The following JMJD4 variants were observed in gnomAD, a reference collection of about 807,000 sequenced individuals.
JMJD4 encodes jumonji domain containing 4.
In JMJD4, 34 loss-of-function variants were observed where a neutral mutation model predicts 36.3. That is an observed-to-expected ratio of 0.94 (90% CI 0.71 to 1.25). The LOEUF is 1.25. Ranked by LOEUF, JMJD4 falls within the 50% of genes most tolerant of loss-of-function variation. The pLI, the probability that JMJD4 is intolerant of heterozygous loss-of-function variation, is 0.00. For synonymous variants in JMJD4, 269 were observed against 235.3 expected, an observed-to-expected ratio of 1.14 and a Z score of -1.31; for missense variants, 584 against 559.1, an observed-to-expected ratio of 1.04 and a Z score of -0.45.
rs1660884764 is a variant in JMJD4 at position 227,734,122 on chromosome 1, TCC to T, written c.429-92_429-91del. On this transcript the variant is annotated intron_variant, in intron 2 of 5. Coordinates refer to ENST00000620518, the MANE Select transcript of JMJD4 (RefSeq NM_023007.3). ...AGTGGGGCAACTGAGACCAATCGGC[TCC>T]AGTGGAGCTTCCAGATGGCTGCAGC... 2.6e-5 allele frequency: 38 copies of T among 1,437,860 alleles called. No homozygotes were observed. In the Admixed American group the frequency reaches 8.0e-4, roughly 30 times the overall value. The allele number at this position is 1,437,860 out of a possible 1,614,324, so 89.1% of individuals were successfully genotyped here. A position where few individuals can be genotyped will look rare whatever the true frequency, so the allele number is the denominator to read the frequency against.
rs774764631 is a variant in JMJD4, at chr1:227,732,487, C to T, written c.1159G>A (p.Asp387Asn). Residue 387 changes from aspartate (D) to asparagine (N), a missense_variant, in exon 6 of 6, where the codon GAC becomes AAC. Asp to Asn is a conservative substitution (Grantham distance 23). Coordinates refer to ENST00000620518, the MANE Select transcript of JMJD4 (RefSeq NM_023007.3). ...EVLASLVAHP[D>N]FQRVDTSAFS... ...GCGCTGGTGTCCACTCTCTGGAAGT[C>T]GGGGTGCGCAACCAAGGAGGCCAGC... 1.2e-5 allele frequency: 20 copies of T among 1,613,236 alleles called. No individual in the cohort carries two copies. The Admixed American group carries it at 2.5e-4, about 20-fold the overall frequency.
At chr1:227,733,771 G>A (rs1426056429) in intron 3 of JMJD4, 90 bp from the exon 4 acceptor site, 2 of 1,587,430 alleles carry the variant, frequency 1.3e-6, no homozygotes, top group Admixed American at 1.7e-5. Flanking sequence ...CTGAAGGAGG[G>A]GTGGCCCCTT....
chr1:227,734,917 C>G, intron 1 of JMJD4, 95 bp downstream of exon 1: 1 of 1,542,256 alleles, frequency 6.5e-7, no homozygotes, highest in Non-Finnish European at 8.8e-7. Flanking sequence ...TGGCCTCCCT[C>G]ACCCTCCCTG....
rs776218972 is a variant in JMJD4, at chr1:227,734,801, G to A, written c.278C>T (p.Pro93Leu). 1 of 1,613,924 alleles carries A rather than the reference G, an allele frequency of 6.2e-7. No individual in the cohort carries two copies. Among genetic ancestry groups the A allele is most frequent in the Non-Finnish European group, 8.5e-7 (1 of 1,180,004 alleles). ...LLRTYGDVVV[P>L]VANCGVQEYN... ...TTCCTGGACCCCACAGTTTGCAACTGGTACAACCACGTCTCCTGAAATGAA... is the reference window on the plus strand; with the variant it reads ...TTCCTGGACCCCACAGTTTGCAACTAGTACAACCACGTCTCCTGAAATGAA... The change falls in exon 2 of 6, where the codon CCA (proline) becomes CTA (leucine). Residue 93 changes from proline (P) to leucine (L), a missense_variant. Pro to Leu is a moderately conservative substitution (Grantham distance 98). Coordinates refer to ENST00000620518, the MANE Select transcript of JMJD4 (RefSeq NM_023007.3).
intron 3 of JMJD4, 83 bp downstream of exon 3, chr1:227,733,824 G>GC (rs1314297110): frequency 1.9e-6 from 3 of 1,592,690 alleles, no homozygotes; most frequent in Middle Eastern, 1.7e-4. Context: ...GTGCCAAGCA[G>GC]CCCCCCTCCT....
At position 227,735,247 on chromosome 1, in the gene JMJD4, G is replaced by A. The variant is rs556796845; in HGVS notation, c.27C>T (p.Ala9=). The part of the protein sequence containing the change: MDRETRAL[A]DSHFRGLGVD... ...CCCCCAGGCCTCGGAAGTGGCTGTC[G>A]GCGAGGGCGCGCGTCTCGCGGTCCA... is the stretch of plus-strand genomic sequence containing the variant. The change falls in exon 1 of 6, where the codon GCC becomes GCT. Residue 9 remains alanine, a synonymous_variant. Transcript: ENST00000620518. The A allele has an allele frequency of 9.4e-6, 15 of 1,601,644 alleles. No homozygotes were observed. The African/African-American group carries it at 1.3e-4, about 14-fold the overall frequency.
At position 227,733,497 on chromosome 1, in the gene JMJD4, C is replaced by CA; in HGVS notation, c.738dup (p.Ala247CysfsTer30). 10 of 1,594,288 alleles carry CA rather than the reference C, an allele frequency of 6.3e-6. No homozygotes were observed. Among genetic ancestry groups the CA allele is most frequent in the Non-Finnish European group, 8.5e-6 (10 of 1,170,200 alleles). ...TGCGTGATCTCCAAGGGTGGGCCAG[C>CA]AAGCTGGTTCCGTGGGTGCAGGTGT... is the stretch of plus-strand genomic sequence containing the variant. On this transcript the variant is annotated frameshift_variant, in exon 4 of 6. Coordinates refer to ENST00000620518, the MANE Select transcript of JMJD4 (RefSeq NM_023007.3). LOFTEE classifies it high-confidence loss of function.
chr1:227,734,352 TAAAAA>T (rs56684758), intron 2 of JMJD4: 54 of 77,574 alleles, frequency 7.0e-4, no homozygotes, highest in East Asian at 3.5e-3. Context: ...CTAGTCTCTT[TAAAAA>T]AAAAAAAAAA....
intron 5 of JMJD4, 64 bp from the exon 6 acceptor site, chr1:227,732,740 G>A (rs556362949): frequency 2.6e-5 from 41 of 1,596,442 alleles, no homozygotes; most frequent in East Asian, 9.0e-5. Flanking sequence ...CAAAGGACCC[G>A]ACATGCGCCC....
In JMJD4 at chr1:227,732,443, T is replaced by G; in HGVS notation, c.1203A>C (p.Lys401Asn). The change falls in exon 6 of 6, where the codon AAA becomes AAC. Residue 401 changes from lysine to asparagine, a missense_variant. Coordinates refer to ENST00000620518, the MANE Select transcript of JMJD4 (RefSeq NM_023007.3). ...VDTSAFSPQP[K>N]ELLQQLREAV... ...CCTCTCTCAGCTGCTGCAGCAGCTC[T>G]TTGGGCTGTGGTGAGAACGCGCTGG... The G allele has an allele frequency of 6.2e-7, 1 of 1,613,234 alleles. No homozygotes were observed. Among genetic ancestry groups the G allele is most frequent in the Non-Finnish European group, 8.5e-7 (1 of 1,180,020 alleles).
At position 227,734,767 on chromosome 1, in the gene JMJD4, C is replaced by A; in HGVS notation, c.312G>T (p.Ser104=). ...VANCGVQEYN[S]NPKEHMTLRD... The stretch of plus-strand genomic sequence containing the variant: ...TGAGAGTCATGTGCTCTTTGGGGTT[C>A]GAGTTGTATTCCTGGACCCCACAGT... Residue 104 remains serine, a synonymous_variant, in exon 2 of 6, where the codon TCG becomes TCT. Transcript: ENST00000620518. 6.2e-7 allele frequency: 1 copy of A among 1,614,140 alleles called. No homozygotes were observed. Among genetic ancestry groups the A allele is most frequent in the Non-Finnish European group, 8.5e-7 (1 of 1,180,028 alleles).
chr1:227,734,892 CA>C (rs766338364), intron 1 of JMJD4, 76 bp from the exon 2 acceptor site: 5 of 1,581,002 alleles, frequency 3.2e-6, no homozygotes, highest in Non-Finnish European at 3.5e-6. Context: ...AGGAACTCTC[CA>C]GGGGCCACGC....
In JMJD4 at chr1:227,735,203, C is replaced by G; in HGVS notation, c.71G>C (p.Gly24Ala). The change falls in exon 1 of 6, where the codon GGC becomes GCC. Residue 24 changes from glycine to alanine, a missense_variant. Gly to Ala is a moderately conservative substitution (Grantham distance 60). Coordinates refer to ENST00000620518, the MANE Select transcript of JMJD4 (RefSeq NM_023007.3). ...RGLGVDVPGV[G>A]QAPGRVAFVS... ...GAAGGCTACCCGGCCCGGAGCCTGG[C>G]CGACGCCGGGGACATCGACCCCCAG... 1 of 1,582,980 alleles carries G rather than the reference C, an allele frequency of 6.3e-7. No individual in the cohort carries two copies.
rs570237031 is a variant in JMJD4 at position 227,734,651 on chromosome 1, C to T, written c.428G>A (p.Arg143Lys). ...CLYLKDWHLC[R>K]DFPVEDVFTL... ...CTCGGTGCGTCCCAAGCCCCATTAC[C>T]TGCACAAGTGCCAGTCTTTGAGGTA... is the stretch of plus-strand genomic sequence containing the variant. The change falls in exon 2 of 6, where the codon AGG (arginine) becomes AAG (lysine). Residue 143 changes from arginine to lysine, a missense_variant and splice_region_variant. Physicochemically the swap from Arg to Lys is conservative, Grantham distance 26. Transcript: ENST00000620518. 1.9e-6 allele frequency: 3 copies of T among 1,613,968 alleles called. No homozygotes were observed. The highest frequency in any genetic ancestry group is 2.2e-5 in the East Asian group (1 of 44,882).
intron 1 of JMJD4, 44 bp downstream of exon 1, chr1:227,734,968 G>T (rs756991468): frequency 6.7e-7 from 1 of 1,500,874 alleles, no homozygotes; most frequent in Non-Finnish European, 8.9e-7. Context: ...CCTGGGTCCC[G>T]CCGGCCTTTC....
At chr1:227,734,841 C>T in intron 1 of JMJD4, 25 bp from the exon 2 acceptor site, 1 of 1,612,774 alleles carries the variant, frequency 6.2e-7, no homozygotes, top group Non-Finnish European at 8.5e-7. Flanking sequence ...ACGGTCCATG[C>T]CATCTCCCTG....
intron 2 of JMJD4, 88 bp downstream of exon 2, chr1:227,734,563 C>T: frequency 7.7e-7 from 1 of 1,299,948 alleles, no homozygotes; most frequent in Non-Finnish European, 1.1e-6. Context: ...CTCCGTTGTG[C>T]ACCCAGGGGC....
rs145226245 is a variant in JMJD4, at chr1:227,732,284, G to A, written c.*108C>T. ...CATGAACAGCCAGGCCACAAGCCTC[G>A]ACAGGGGTGGGCCCCAGGTCACAGG... On this transcript the variant is annotated 3_prime_UTR_variant, in exon 6 of 6. Coordinates refer to ENST00000620518, the MANE Select transcript of JMJD4 (RefSeq NM_023007.3). 1.3e-5 allele frequency: 17 copies of A among 1,338,706 alleles called. No individual in the cohort carries two copies. The highest frequency in any genetic ancestry group is 1.5e-5 in the Non-Finnish European group (14 of 956,086). The allele number at this position is 1,338,706 out of a possible 1,614,324, so 82.9% of individuals were successfully genotyped here.
In JMJD4 at chr1:227,732,885, CAGT is replaced by C. The variant is rs1325181690; in HGVS notation, c.962_964del (p.His321_Cys322delinsArg). 1.9e-6 allele frequency: 3 copies of C among 1,612,594 alleles called. No individual in the cohort carries two copies. The Admixed American group carries it at 5.0e-5, about 27-fold the overall frequency. ...CTCCATGCGTAGCCACCCCACCTGG[CAGT>C]GGTGGTGCCAGTCGGGCATGGAGTC... On this transcript the variant is annotated inframe_deletion, in exon 5 of 6. Coordinates refer to ENST00000620518, the MANE Select transcript of JMJD4 (RefSeq NM_023007.3).
Sources: gnomAD v4.1 joint callset for allele counts on GRCh38, gnomAD v4.1.1 for gene constraint, MANE v1.5 for transcripts, NCBI Gene and HGNC (gene_info 2026-07-23, HGNC 2026-07-21) for gene names.